Variants in C11orf65 observed in about 807,000 individuals in gnomAD.
C11orf65 encodes protein MFI.
A neutral mutation model predicts 35.3 loss-of-function variants in C11orf65; 38 were observed. The observed-to-expected ratio is 1.08, with a 90% CI of 0.83 to 1.41. C11orf65 has a LOEUF of 1.41. Among genes scored for constraint, C11orf65 ranks in the 40% most tolerant of loss-of-function variants. C11orf65 has a pLI of 0.00. For missense variants in C11orf65, 370 were observed against 367.1 expected (o/e 1.01, Z -0.06); for synonymous variants, 105 against 114.4 (o/e 0.92, Z 0.53).
intron 2 of C11orf65, among the ~76,000 whole-genome samples, chr11:108,369,695 G>A (rs186715347): frequency 6.6e-6 from 1 of 152,242 alleles, no homozygotes; most frequent in Admixed American, 6.5e-5. Context: ...ATGTACAACA[G>A]TATGTAGAAA....
chr11:108,435,578 G>C (rs898377775), intron 2 of C11orf65, among the ~76,000 whole-genome samples: 1 of 151,978 alleles, frequency 6.6e-6, no homozygotes, highest in Non-Finnish European at 1.5e-5. Context: ...CTCCACCCCT[G>C]AGCAAGGAAC....
At chr11:108,429,419 T>TA (rs34209999) in intron 3 of C11orf65, among the ~76,000 whole-genome samples, 151,452 of 152,260 alleles carry the variant, frequency 0.99, 75,335 homozygotes, top group Middle Eastern at 1. Context: ...TGTTTTATAA[T>TA]AAAAATCAAA....
At chr11:108,349,268 G>A (rs997290715) in intron 2 of C11orf65, among the ~76,000 whole-genome samples, 1 of 152,166 alleles carries the variant, frequency 6.6e-6, no homozygotes, top group Non-Finnish European at 1.5e-5. Context: ...AATTTAACAA[G>A]TAATCAATCC....
At chr11:108,384,236 G>A (rs188406392) in intron 8 of C11orf65, among the ~76,000 whole-genome samples, 1 of 152,276 alleles carries the variant, frequency 6.6e-6, no homozygotes, top group East Asian at 1.9e-4. Flanking sequence ...TTGGTTTGGA[G>A]GCTATTGCAG....
At chr11:108,433,124 C>T (rs540918713) in intron 2 of C11orf65, among the ~76,000 whole-genome samples, 3 of 152,028 alleles carry the variant, frequency 2.0e-5, no homozygotes, top group South Asian at 4.1e-4. Context: ...TCCAAACAGA[C>T]CTTCAGTTTG....
At chr11:108,362,981 A>G (rs2090963192) in intron 2 of C11orf65, among the ~76,000 whole-genome samples, 1 of 150,254 alleles carries the variant, frequency 6.7e-6, no homozygotes, top group Non-Finnish European at 1.5e-5. Flanking sequence ...AAACAACAAA[A>G]CAAACAAACA....
At chr11:108,336,786 T>C (rs1175575630) in intron 2 of C11orf65, among the ~76,000 whole-genome samples, 1 of 152,216 alleles carries the variant, frequency 6.6e-6, no homozygotes, top group Non-Finnish European at 1.5e-5. Context: ...CCTCTAGCTA[T>C]TTGCCTGAGA....
chr11:108,327,517 A>G (rs948021306), downstream of C11orf65: 27 of 717,234 alleles, frequency 3.8e-5, no homozygotes, highest in Non-Finnish European at 6.4e-5. Flanking sequence ...GCAGATGAGG[A>G]AAAACTTTTT....
At chr11:108,362,373 T>C (rs1416609514) in intron 2 of C11orf65, among the ~76,000 whole-genome samples, 24 of 151,644 alleles carry the variant, frequency 1.6e-4, no homozygotes, top group Admixed American at 1.6e-3. Context: ...AGTTCAACCA[T>C]TGTGGAAGTC....
intron 2 of C11orf65, among the ~76,000 whole-genome samples, chr11:108,346,363 T>G (rs1298846261): frequency 2.6e-5 from 4 of 152,080 alleles, no homozygotes; most frequent in African/African-American, 9.7e-5. Context: ...CCATGAGATA[T>G]ATTTAAATAT....
chr11:108,356,596 T>TA (rs1047718906), intron 2 of C11orf65, among the ~76,000 whole-genome samples: 4 of 151,274 alleles, frequency 2.6e-5, no homozygotes, highest in African/African-American at 7.3e-5. Context: ...CAAAGCAGCT[T>TA]AACATATTCT....
At chr11:108,384,115 G>A (rs1308899309) in intron 8 of C11orf65, among the ~76,000 whole-genome samples, 2 of 152,130 alleles carry the variant, frequency 1.3e-5, no homozygotes, top group African/African-American at 4.8e-5. Flanking sequence ...TCCAAACTTA[G>A]CCTCCCAAAG....
chr11:108,339,095 G>A (rs914289975), intron 2 of C11orf65, among the ~76,000 whole-genome samples: 1 of 152,134 alleles, frequency 6.6e-6, no homozygotes, highest in African/African-American at 2.4e-5. Context: ...AGAATCAGAT[G>A]GAAATGAAGA....
At chr11:108,362,462 G>GGACTA (rs2090882623) in intron 2 of C11orf65, among the ~76,000 whole-genome samples, 1 of 151,308 alleles carries the variant, frequency 6.6e-6, no homozygotes, top group Non-Finnish European at 1.5e-5. Flanking sequence ...TATAACCAAA[G>GGACTA]GACTATAAAT....
intron 2 of C11orf65, among the ~76,000 whole-genome samples, chr11:108,376,353 A>C (rs2091726339): frequency 6.6e-6 from 1 of 152,214 alleles, no homozygotes; most frequent in African/African-American, 2.4e-5. Flanking sequence ...AACTACATGG[A>C]AACTGAACAA....
chr11:108,426,147 G>C (rs574646890), intron 3 of C11orf65, among the ~76,000 whole-genome samples: 34 of 152,212 alleles, frequency 2.2e-4, no homozygotes, highest in African/African-American at 7.2e-4. Flanking sequence ...GTTCTGGCCA[G>C]GGCAATCAGG....
At chr11:108,467,965 G>A (rs2093557972), upstream of C11orf65, among the ~76,000 whole-genome samples, 1 of 151,892 alleles carries the variant, frequency 6.6e-6, no homozygotes, top group Non-Finnish European at 1.5e-5. Flanking sequence ...AGCTGGGACC[G>A]TAGGAGTGCA....
chr11:108,314,776 G>A (rs1402401819), intron 6 of C11orf65, among the ~76,000 whole-genome samples: 1 of 152,132 alleles, frequency 6.6e-6, no homozygotes, highest in Non-Finnish European at 1.5e-5. Context: ...ATTATATACT[G>A]TATTCTTAAA....
chr11:108,340,359 G>A (rs1046678137), intron 2 of C11orf65: 3 of 152,118 alleles, frequency 2.0e-5, no homozygotes, highest in African/African-American at 4.8e-5. Flanking sequence ...ATTTCAGTGT[G>A]TAGATCTGTA....
Sources: allele counts gnomAD v4.1 joint callset (sites outside exome capture counted in the v4.1 genomes callset), GRCh38; gene constraint gnomAD v4.1.1; transcripts MANE v1.5; gene names NCBI Gene and HGNC (gene_info 2026-07-23, HGNC 2026-07-21).